Variants in CACNA2D3 observed in about 807,000 individuals in gnomAD.
The protein encoded by CACNA2D3 is voltage-dependent calcium channel subunit alpha-2/delta-3.
In CACNA2D3, 60 loss-of-function variants were observed where a neutral mutation model predicts 160.6. The observed-to-expected ratio is 0.37, with a 90% CI of 0.30 to 0.46. The LOEUF (loss-of-function observed/expected upper bound fraction) is 0.46. Among genes scored for constraint, CACNA2D3 ranks in the 20% least tolerant of loss-of-function variants. The pLI is 1.00. For synonymous variants in CACNA2D3, 558 were observed against 492.9 expected, an observed-to-expected ratio of 1.13 and a Z score of -1.75; for missense variants, 1,205 against 1,365.0, an observed-to-expected ratio of 0.88 and a Z score of 1.85.
Position 54,618,352 on chromosome 3 carries a change from C to CATACATACATAT in CACNA2D3, c.964-9432_964-9431insCATACATATATA, listed in dbSNP as rs56316245. On this transcript the variant is annotated intron_variant, in intron 9 of 37. Coordinates refer to ENST00000474759, the MANE Select transcript of CACNA2D3 (RefSeq NM_018398.3). ...AAGTTCAAATTGATGTTGATACATA[C>CATACATACATAT]ATATATATATATATATATATATGCA... is the stretch of plus-strand genomic sequence containing the variant. 7.9e-3 allele frequency among the ~76,000 whole-genome samples: 950 copies of CATACATACATAT among 119,886 alleles called. 20 individuals are homozygous for CATACATACATAT. Among genetic ancestry groups the CATACATACATAT allele is most frequent in the South Asian group, 0.04 (143 of 3,544 alleles). 78.6% of individuals were successfully genotyped at this position (119,886 alleles called of 152,430 possible). A position where few individuals can be genotyped will look rare whatever the true frequency, so the allele number is the denominator to read the frequency against.
intron 4 of CACNA2D3, 40 bp downstream of exon 4, chr3:54,386,814 T>C (rs772711940): frequency 6.5e-7 from 1 of 1,540,712 alleles, no homozygotes; most frequent in Non-Finnish European, 8.8e-7. Context: ...TTTGTGTGTT[T>C]CCTGCCAAAG....
chr3:54,459,615 G>A (rs1215805978), intron 4 of CACNA2D3, among the ~76,000 whole-genome samples: 1 of 151,874 alleles, frequency 6.6e-6, no homozygotes, highest in East Asian at 1.9e-4. Flanking sequence ...TTTCTGATGG[G>A]GTTGTTTGTT....
intron 27 of CACNA2D3, among the ~76,000 whole-genome samples, chr3:54,946,581 A>G (rs924402586): frequency 1.3e-5 from 2 of 152,206 alleles, no homozygotes; most frequent in African/African-American, 4.8e-5. Context: ...GAAGAAGAGC[A>G]GGTTACTTTC....
intron 4 of CACNA2D3, among the ~76,000 whole-genome samples, chr3:54,483,476 G>T (rs966269372): frequency 1.3e-5 from 2 of 152,148 alleles, no homozygotes; most frequent in African/African-American, 4.8e-5. Context: ...GCAGTTCCCC[G>T]ATCTGTATTG....
rs564100954 is a variant in CACNA2D3, at chr3:54,428,971, G to A, written c.381+42197G>A. On this transcript the variant is annotated intron_variant, in intron 4 of 37. Coordinates refer to ENST00000474759, the MANE Select transcript of CACNA2D3 (RefSeq NM_018398.3). ...TGACACTAGTAGAGATCAGATGCCT[G>A]TTGTAGCCCAAGGAGGGTGAATCTT... 2.0e-5 allele frequency among the ~76,000 whole-genome samples: 3 copies of A among 152,358 alleles called. No homozygotes were observed. The South Asian group carries it at 6.2e-4, about 32-fold the overall frequency.
intron 3 of CACNA2D3, among the ~76,000 whole-genome samples, chr3:54,351,032 A>G (rs1347423378): frequency 1.7e-5 from 2 of 116,262 alleles, no homozygotes; most frequent in African/African-American, 6.6e-5. Flanking sequence ...TGTGTCGCCC[A>G]GGCTGGAGGC....
chr3:54,481,610 C>T (rs557865369), intron 4 of CACNA2D3, among the ~76,000 whole-genome samples: 90 of 152,318 alleles, frequency 5.9e-4, no homozygotes, highest in African/African-American at 2.1e-3. Context: ...AAAGTGTACA[C>T]GGCCTTCATT....
intron 13 of CACNA2D3, among the ~76,000 whole-genome samples, chr3:54,781,456 A>T (rs922323414): frequency 1.3e-5 from 2 of 152,134 alleles, no homozygotes; most frequent in Non-Finnish European, 2.9e-5. Flanking sequence ...TAAACAGGAG[A>T]GTCTACTCTT....
chr3:54,925,008 G>T, intron 27 of CACNA2D3: 1 of 1,614,126 alleles, frequency 6.2e-7, no homozygotes, highest in South Asian at 1.1e-5. Context: ...CCATGGCACT[G>T]ACCTAAATGC....
intron 4 of CACNA2D3, among the ~76,000 whole-genome samples, chr3:54,487,853 A>T: frequency 6.6e-6 from 1 of 152,340 alleles, no homozygotes. Flanking sequence ...CACATGCTCA[A>T]TGACCACATG....
intron 3 of CACNA2D3, among the ~76,000 whole-genome samples, chr3:54,382,291 G>A (rs187593209): frequency 6.6e-6 from 1 of 152,204 alleles, no homozygotes; most frequent in East Asian, 1.9e-4. Flanking sequence ...TAAAATATTA[G>A]CAAATTTAAT....
In CACNA2D3 at chr3:54,382,230, A is replaced by G. The variant is rs548003316; in HGVS notation, c.322-4485A>G. On this transcript the variant is annotated intron_variant, in intron 3 of 37. Coordinates refer to ENST00000474759, the MANE Select transcript of CACNA2D3 (RefSeq NM_018398.3). ...AGTACACTGCCTTTATAATAGGTATAATAGAGTAACAGTTTTCCCCAGGCT... is the reference window on the plus strand; with the variant it reads ...AGTACACTGCCTTTATAATAGGTATGATAGAGTAACAGTTTTCCCCAGGCT... Among the ~76,000 whole-genome samples the G allele has an allele frequency of 2.1e-3, 314 of 152,360 alleles. 1 individual carries two copies. The highest frequency in any genetic ancestry group is 3.9e-3 in the Non-Finnish European group (264 of 68,034).
chr3:54,267,959 G>A (rs1244711642), intron 2 of CACNA2D3, among the ~76,000 whole-genome samples: 1 of 152,096 alleles, frequency 6.6e-6, no homozygotes, highest in African/African-American at 2.4e-5. Flanking sequence ...TTTTTGTAAT[G>A]TTTAAAATAT....
At chr3:54,763,603 ACAGT>A (rs1371491475) in intron 12 of CACNA2D3, among the ~76,000 whole-genome samples, 2 of 150,046 alleles carry the variant, frequency 1.3e-5, no homozygotes, top group Non-Finnish European at 3.0e-5. Flanking sequence ...ACACACACAC[ACAGT>A]ATGTCTGTGT....
At chr3:54,716,870 A>T (rs148117557) in intron 11 of CACNA2D3, among the ~76,000 whole-genome samples, 1 of 152,028 alleles carries the variant, frequency 6.6e-6, no homozygotes, top group East Asian at 1.9e-4. Context: ...GAGCATTTCA[A>T]AAATGCATGT....
At chr3:54,924,485 A>C (rs1700952788) in intron 27 of CACNA2D3, 1 of 701,180 alleles carries the variant, frequency 1.4e-6, no homozygotes, top group African/African-American at 1.8e-5. Context: ...CATACCGTGA[A>C]ATGGCACCGA....
intron 27 of CACNA2D3, among the ~76,000 whole-genome samples, chr3:54,941,588 C>T (rs888209412): frequency 6.6e-6 from 1 of 152,082 alleles, no homozygotes; most frequent in Non-Finnish European, 1.5e-5. Flanking sequence ...ATCATTGCTC[C>T]CCTCACAATG....
intron 3 of CACNA2D3, among the ~76,000 whole-genome samples, chr3:54,328,125 C>T (rs1704156635): frequency 6.6e-6 from 1 of 152,200 alleles, no homozygotes; most frequent in Admixed American, 6.5e-5. Context: ...TTGGGTGTAT[C>T]TTTCCAGATT....
intron 3 of CACNA2D3, among the ~76,000 whole-genome samples, chr3:54,331,125 A>C (rs1321150352): frequency 6.6e-6 from 1 of 152,174 alleles, no homozygotes; most frequent in Non-Finnish European, 1.5e-5. Flanking sequence ...TCTGTCCCCC[A>C]GGCCAATCCT....
Sources: allele counts gnomAD v4.1 joint callset (sites outside exome capture counted in the v4.1 genomes callset), GRCh38; gene constraint gnomAD v4.1.1; transcripts MANE v1.5; gene names NCBI Gene and HGNC (gene_info 2026-07-23, HGNC 2026-07-21).